The following SAMD5 variants were observed in gnomAD, a reference collection of about 807,000 sequenced individuals.
SAMD5 encodes sterile alpha motif domain containing 5.
Under a neutral mutation model 11.3 loss-of-function variants are expected in SAMD5, and 13 were observed. The ratio of observed to expected loss-of-function variants is 1.15; its 90% CI spans 0.75 to 1.83. The LOEUF (loss-of-function observed/expected upper bound fraction) is 1.83. Among genes scored for constraint, SAMD5 ranks in the 40% most tolerant of loss-of-function variants. The probability of loss-of-function intolerance (pLI) is 0.00; values close to 1 mark genes in which losing one functional copy is unlikely to be tolerated. For synonymous variants in SAMD5, 129 were observed against 111.3 expected (o/e 1.16, Z -1.00); for missense variants, 255 against 239.1 (o/e 1.07, Z -0.44).
the SAMD5 span, among the ~76,000 whole-genome samples, chr6:147,904,808 A>AT: frequency 6.6e-6 from 1 of 152,144 alleles, no homozygotes; most frequent in South Asian, 2.1e-4. Flanking sequence ...GCTTTGTCTA[A>AT]TTTTTTATAT....
downstream of SAMD5, among the ~76,000 whole-genome samples, chr6:147,738,405 A>G (rs1791835608): frequency 2.0e-5 from 3 of 152,194 alleles, no homozygotes; most frequent in Non-Finnish European, 4.4e-5. Context: ...AAGCAAGCAC[A>G]TAATCAGATA....
At chr6:147,945,619 C>T in the SAMD5 span, among the ~76,000 whole-genome samples, 11,718 of 152,024 alleles carry the variant, frequency 0.077, 562 homozygotes, top group Non-Finnish European at 0.11. Context: ...AAAAGTGACG[C>T]TATTGGAGAG....
chr6:147,781,662 A>G, the SAMD5 span, among the ~76,000 whole-genome samples: 1 of 152,034 alleles, frequency 6.6e-6, no homozygotes, highest in African/African-American at 2.4e-5. Context: ...TAATAACAGA[A>G]GCACCCTCAC....
At chr6:147,759,744 A>G in the SAMD5 span, among the ~76,000 whole-genome samples, 1 of 152,138 alleles carries the variant, frequency 6.6e-6, no homozygotes, top group Non-Finnish European at 1.5e-5. Flanking sequence ...ATTTGGCAGC[A>G]TGATTTCAAA....
chr6:147,556,871 G>A (rs1788866358), intron 1 of SAMD5, among the ~76,000 whole-genome samples: 1 of 152,126 alleles, frequency 6.6e-6, no homozygotes, highest in Admixed American at 6.5e-5. Flanking sequence ...ATGCTTGAAA[G>A]TGGCCACTAA....
At chr6:147,550,916 A>G (rs1277131543) in intron 1 of SAMD5, among the ~76,000 whole-genome samples, 1 of 151,874 alleles carries the variant, frequency 6.6e-6, no homozygotes, top group African/African-American at 2.4e-5. Flanking sequence ...ATATATATAA[A>G]CCCTCCCATT....
intron 1 of SAMD5, among the ~76,000 whole-genome samples, chr6:147,513,874 G>A (rs1389221033): frequency 6.6e-6 from 1 of 152,178 alleles, no homozygotes; most frequent in Non-Finnish European, 1.5e-5. Context: ...TTCATGGGAA[G>A]TGGTAACCAT....
chr6:147,594,288 A>G (rs559855528), intron 1 of SAMD5, among the ~76,000 whole-genome samples: 6 of 152,212 alleles, frequency 3.9e-5, no homozygotes, highest in Non-Finnish European at 7.3e-5. Flanking sequence ...TTTGCTTGCT[A>G]AGATGCGATC....
chr6:147,776,781 A>T, the SAMD5 span, among the ~76,000 whole-genome samples: 1 of 152,168 alleles, frequency 6.6e-6, no homozygotes, highest in Admixed American at 6.5e-5. Context: ...TTTCAGAGGG[A>T]TTTTCCTGGA....
chr6:147,749,617 T>C, the SAMD5 span, among the ~76,000 whole-genome samples: 104 of 152,304 alleles, frequency 6.8e-4, no homozygotes, highest in Middle Eastern at 3.4e-3. Context: ...ACCAAACCAT[T>C]TGATGGAATA....
the SAMD5 span, among the ~76,000 whole-genome samples, chr6:147,794,463 T>C: frequency 6.6e-6 from 1 of 152,150 alleles, no homozygotes; most frequent in African/African-American, 2.4e-5. Context: ...TTGCATCATA[T>C]AAAAAGACTT....
intron 1 of SAMD5, among the ~76,000 whole-genome samples, chr6:147,641,219 A>T (rs938641191): frequency 6.6e-6 from 1 of 152,218 alleles, no homozygotes; most frequent in African/African-American, 2.4e-5. Context: ...TCTGATTCAA[A>T]TATGGATGTC....
chr6:147,946,003 T>G, the SAMD5 span, among the ~76,000 whole-genome samples: 2 of 152,212 alleles, frequency 1.3e-5, no homozygotes, highest in Admixed American at 1.3e-4. Context: ...GGCTGCTTTT[T>G]CAGCTTTTCT....
the SAMD5 span, among the ~76,000 whole-genome samples, chr6:147,954,335 G>T: frequency 6.6e-6 from 1 of 152,154 alleles, no homozygotes; most frequent in African/African-American, 2.4e-5. Context: ...ACGTCATGGG[G>T]TGCACAGTGA....
intron 1 of SAMD5, among the ~76,000 whole-genome samples, chr6:147,521,374 TA>T: frequency 6.6e-6 from 1 of 152,238 alleles, no homozygotes; most frequent in Non-Finnish European, 1.5e-5. Flanking sequence ...AGATTGCACA[TA>T]TTTTTCCCAA....
the SAMD5 span, among the ~76,000 whole-genome samples, chr6:147,870,482 G>GTATATATATA: frequency 1.2e-4 from 16 of 135,326 alleles, no homozygotes; most frequent in Middle Eastern, 3.6e-3. Flanking sequence ...GTGTGTGTGT[G>GTATATATATA]TATATATATA....
chr6:147,893,609 T>C, the SAMD5 span, among the ~76,000 whole-genome samples: 11 of 152,322 alleles, frequency 7.2e-5, no homozygotes, highest in Middle Eastern at 3.4e-3. Context: ...ATGTGGTAGC[T>C]TCCACCAGGT....
At chr6:147,727,242 G>A (rs979556381) in intron 1 of SAMD5, among the ~76,000 whole-genome samples, 1 of 152,108 alleles carries the variant, frequency 6.6e-6, no homozygotes, top group African/African-American at 2.4e-5. Flanking sequence ...CCTCTGTCCA[G>A]AATGCCTTTG....
At chr6:147,790,882 G>A in the SAMD5 span, among the ~76,000 whole-genome samples, 93 of 143,604 alleles carry the variant, frequency 6.5e-4, no homozygotes, top group African/African-American at 2.2e-3. Context: ...TGCTTCCTTG[G>A]ATGTCAGATT....
Sources: allele counts gnomAD v4.1 joint callset (sites outside exome capture counted in the v4.1 genomes callset), GRCh38; gene constraint gnomAD v4.1.1; transcripts MANE v1.5; gene names NCBI Gene and HGNC (gene_info 2026-07-23, HGNC 2026-07-21).